NELL1: variants seen among roughly 807,000 people sequenced by gnomAD.
NELL1 encodes the protein neural EGFL like 1, also known as protein kinase C-binding protein NELL1.
A neutral mutation model predicts 107.4 loss-of-function variants in NELL1; 76 were observed. That is an observed-to-expected ratio of 0.71 (90% CI 0.59 to 0.86). NELL1 has a LOEUF of 0.86. NELL1 is among the 40% of genes least tolerant of loss of function. The probability of loss-of-function intolerance (pLI) is 0.00; values close to 1 mark genes in which losing one functional copy is unlikely to be tolerated. For missense variants in NELL1, 1,024 were observed against 1,005.5 expected (o/e 1.02, Z -0.25); for synonymous variants, 353 against 341.2 (o/e 1.03, Z -0.38).
intron 15 of NELL1, among the ~76,000 whole-genome samples, chr11:21,503,892 C>T (rs1855214801): frequency 6.6e-6 from 1 of 152,010 alleles, no homozygotes; most frequent in Non-Finnish European, 1.5e-5. Context: ...TCCTCAAACC[C>T]TCTTCACACA....
chr11:21,504,180 T>C (rs533835129), intron 15 of NELL1: 52 of 152,352 alleles, frequency 3.4e-4, no homozygotes, highest in African/African-American at 1.1e-3. Context: ...CATAAGTGTC[T>C]AATAAATATT....
chr11:21,120,952 A>G (rs960204907), intron 13 of NELL1, among the ~76,000 whole-genome samples: 2 of 152,058 alleles, frequency 1.3e-5, no homozygotes, highest in East Asian at 1.9e-4. Flanking sequence ...GAGGAATGCT[A>G]CTGTACCAAA....
intron 12 of NELL1, among the ~76,000 whole-genome samples, chr11:21,111,561 G>A (rs923134256): frequency 6.6e-6 from 1 of 152,086 alleles, no homozygotes; most frequent in East Asian, 1.9e-4. Context: ...TATGCAACAG[G>A]TATATGGTGG....
intron 2 of NELL1, among the ~76,000 whole-genome samples, chr11:20,756,964 T>C (rs1377695773): frequency 1.3e-5 from 2 of 152,034 alleles, no homozygotes; most frequent in African/African-American, 4.8e-5. Flanking sequence ...CACTAGTATA[T>C]TGGAGGAACT....
intron 12 of NELL1, among the ~76,000 whole-genome samples, chr11:21,077,613 CG>C (rs1172079416): frequency 2.0e-5 from 3 of 151,858 alleles, no homozygotes; most frequent in Non-Finnish European, 2.9e-5. Context: ...CGTGGTGGCA[CG>C]TGCCTGTAAT....
chr11:21,521,027 G>A (rs952214007), intron 15 of NELL1, among the ~76,000 whole-genome samples: 4 of 152,168 alleles, frequency 2.6e-5, no homozygotes, highest in African/African-American at 9.7e-5. Flanking sequence ...TATTCTGGGG[G>A]TAGGACCAGA....
chr11:21,087,152 T>G (rs2133682009), intron 12 of NELL1, among the ~76,000 whole-genome samples: 1 of 152,290 alleles, frequency 6.6e-6, no homozygotes, highest in South Asian at 2.1e-4. Context: ...TGGAATGGTT[T>G]TAACTACATA....
chr11:20,915,717 A>ATATATATATT, intron 5 of NELL1, among the ~76,000 whole-genome samples: 2 of 58,218 alleles, frequency 3.4e-5, no homozygotes, highest in African/African-American at 1.8e-4. Context: ...ATATATATAT[A>ATATATATATT]TTTTTTTTTT....
intron 14 of NELL1, among the ~76,000 whole-genome samples, chr11:21,351,331 T>C (rs966852912): frequency 6.6e-6 from 1 of 152,062 alleles, no homozygotes; most frequent in African/African-American, 2.4e-5. Context: ...TCTGGGAAGC[T>C]AATACAGGTC....
At position 21,309,249 on chromosome 11, in the gene NELL1, A is replaced by AATATATATATGTATATATAT. The variant is rs1181195446; in HGVS notation, c.1550-61560_1550-61541dup. 3.9e-5 allele frequency among the ~76,000 whole-genome samples: 4 copies of AATATATATATGTATATATAT among 101,934 alleles called. No homozygotes were observed. The East Asian group carries it at 7.9e-4, about 20-fold the overall frequency. The allele number at this position is 101,934 out of a possible 152,430, so 66.9% of individuals were successfully genotyped here. ...AAGCCTATTAAAAAAACCCACTCTAAATATATATATGTATATATATATATA... is the reference window on the plus strand; with the variant it reads ...AAGCCTATTAAAAAAACCCACTCTAAATATATATATGTATATATATATATATATATGTATATATATATATA... On this transcript the variant is annotated intron_variant, in intron 14 of 19. Transcript: ENST00000357134.
At chr11:21,380,242 GA>G (rs1393975613) in intron 15 of NELL1, among the ~76,000 whole-genome samples, 1 of 151,996 alleles carries the variant, frequency 6.6e-6, no homozygotes, top group Non-Finnish European at 1.5e-5. Context: ...TGGCATCATT[GA>G]AAAAGAGAAA....
At chr11:21,540,409 G>C (rs1028402648) in intron 16 of NELL1, among the ~76,000 whole-genome samples, 1 of 151,952 alleles carries the variant, frequency 6.6e-6, no homozygotes, top group Non-Finnish European at 1.5e-5. Flanking sequence ...AATTTTTTTA[G>C]CTCCTACACA....
At chr11:21,287,889 C>G (rs534594505) in intron 14 of NELL1, among the ~76,000 whole-genome samples, 6 of 151,908 alleles carry the variant, frequency 3.9e-5, no homozygotes, top group Admixed American at 3.9e-4. Flanking sequence ...ACAATGCATC[C>G]CTTGGCAATA....
At chr11:21,055,171 G>GA (rs1853583788) in intron 12 of NELL1, among the ~76,000 whole-genome samples, 1 of 151,800 alleles carries the variant, frequency 6.6e-6, no homozygotes, top group Admixed American at 6.6e-5. Flanking sequence ...TTATTATATG[G>GA]AAAAAATTAT....
At chr11:20,787,122 A>C (rs191960716) in intron 3 of NELL1, among the ~76,000 whole-genome samples, 19 of 151,894 alleles carry the variant, frequency 1.3e-4, no homozygotes, top group African/African-American at 4.6e-4. Context: ...CTGACTGCTA[A>C]ACAAAATAAA....
At chr11:20,865,060 C>A (rs779127322) in intron 4 of NELL1, among the ~76,000 whole-genome samples, 15 of 152,178 alleles carry the variant, frequency 9.9e-5, no homozygotes, top group Non-Finnish European at 1.8e-4. Context: ...CAAGTTGGAT[C>A]CATGACAGTT....
At chr11:21,401,920 T>C (rs2133797766) in intron 15 of NELL1, among the ~76,000 whole-genome samples, 1 of 151,890 alleles carries the variant, frequency 6.6e-6, no homozygotes, top group South Asian at 2.1e-4. Context: ...ACAATGTAGA[T>C]ATAGAACTGT....
At chr11:21,494,350 TAAAAG>T (rs1564923371) in intron 15 of NELL1, among the ~76,000 whole-genome samples, 2 of 151,946 alleles carry the variant, frequency 1.3e-5, no homozygotes, top group African/African-American at 2.4e-5. Context: ...AATTTCAAAA[TAAAAG>T]AAATTACTCA....
At chr11:20,753,934 A>G (rs977716058) in intron 2 of NELL1, among the ~76,000 whole-genome samples, 29 of 152,192 alleles carry the variant, frequency 1.9e-4, no homozygotes, top group African/African-American at 6.5e-4. Flanking sequence ...CAATAAGCAG[A>G]ACAAAACTTC....
Sources: allele counts gnomAD v4.1 joint callset (sites outside exome capture counted in the v4.1 genomes callset), GRCh38; gene constraint gnomAD v4.1.1; transcripts MANE v1.5; gene names NCBI Gene and HGNC (gene_info 2026-07-23, HGNC 2026-07-21).